The following OR13A1 variants were observed in gnomAD, a reference collection of about 807,000 sequenced individuals.
OR13A1 encodes the protein olfactory receptor family 13 subfamily A member 1.
In OR13A1, 10 loss-of-function variants were observed where a neutral mutation model predicts 7.5. The ratio of observed to expected loss-of-function variants is 1.34; its 90% CI spans 0.83 to 2.27. The LOEUF (loss-of-function observed/expected upper bound fraction) is 2.27. Among genes scored for constraint, OR13A1 ranks in the 30% most tolerant of loss-of-function variants. The probability of loss-of-function intolerance (pLI) is 0.00; values close to 1 mark genes in which losing one functional copy is unlikely to be tolerated. For synonymous variants in OR13A1, 238 were observed against 177.9 expected (o/e 1.34, Z -2.69); for missense variants, 509 against 419.1 (o/e 1.21, Z -1.87).
rs1401305723 is a variant in OR13A1, at chr10:45,304,531, TATTG to T, written c.-12-101_-12-98del. 5.5e-5 allele frequency: 58 copies of T among 1,054,586 alleles called. 1 individual carries two copies. In the Middle Eastern group the frequency reaches 9.5e-4, roughly 17 times the overall value. The allele number at this position is 1,054,586 out of a possible 1,614,324, so 65.3% of individuals were successfully genotyped here. A position where few individuals can be genotyped will look rare whatever the true frequency, so the allele number is the denominator to read the frequency against. ...TGAAAGATAGAGATGCATTAGGGCATATTGATTAAGATAAACACCCCAATATTAC... is the reference window on the plus strand; with the variant it reads ...TGAAAGATAGAGATGCATTAGGGCATATTAAGATAAACACCCCAATATTAC... On this transcript the variant is annotated intron_variant, in intron 3 of 3. Transcript: ENST00000553795.
chr10:45,307,087 A>G (rs934978130), intron 3 of OR13A1, among the ~76,000 whole-genome samples: 1 of 152,054 alleles, frequency 6.6e-6, no homozygotes, highest in Non-Finnish European at 1.5e-5. Flanking sequence ...TAGCCACCAG[A>G]TTTCTCCAGC....
intron 3 of OR13A1, among the ~76,000 whole-genome samples, chr10:45,305,508 T>A (rs1277921486): frequency 6.6e-6 from 1 of 152,238 alleles, no homozygotes; most frequent in Non-Finnish European, 1.5e-5. Context: ...ACTTTTTCTA[T>A]AAAATGACCT....
intron 1 of OR13A1, among the ~76,000 whole-genome samples, chr10:45,309,708 G>T (rs138583976): frequency 6.6e-6 from 1 of 152,246 alleles, no homozygotes; most frequent in Non-Finnish European, 1.5e-5. Flanking sequence ...CCCAATTCAG[G>T]ATGTACGTAG....
intron 3 of OR13A1, among the ~76,000 whole-genome samples, chr10:45,305,301 A>T (rs1001476198): frequency 6.6e-6 from 1 of 151,976 alleles, no homozygotes; most frequent in Admixed American, 6.6e-5. Context: ...GTACAATAGG[A>T]TCTCATTTTT....
chr10:45,314,306 G>T (rs898356086), intron 1 of OR13A1, among the ~76,000 whole-genome samples: 1 of 151,976 alleles, frequency 6.6e-6, no homozygotes, highest in Admixed American at 6.6e-5. Flanking sequence ...ATTATAAAAG[G>T]AAGAAAGTGG....
chr10:45,306,321 C>T (rs1426161638), intron 3 of OR13A1, among the ~76,000 whole-genome samples: 9 of 151,922 alleles, frequency 5.9e-5, no homozygotes, highest in African/African-American at 1.5e-4. Context: ...GGCGTGGTGG[C>T]GGGCGCCTGT....
chr10:45,305,294 C>A (rs1455283868), intron 3 of OR13A1, among the ~76,000 whole-genome samples: 5 of 150,944 alleles, frequency 3.3e-5, no homozygotes, highest in Non-Finnish European at 5.9e-5. Flanking sequence ...ATAATGTGTA[C>A]AATAGGATCT....
At chr10:45,308,722 G>A (rs987037328) in intron 1 of OR13A1, 10 of 152,084 alleles carry the variant, frequency 6.6e-5, no homozygotes, top group Admixed American at 4.6e-4. Flanking sequence ...TAAAAAAAAT[G>A]ATTTCACCTT....
In OR13A1 at chr10:45,304,087, G is replaced by A. The variant is rs773995966; in HGVS notation, c.336C>T (p.Tyr112=). The A allele has an allele frequency of 1.1e-5, 18 of 1,613,984 alleles. No homozygotes were observed. The highest frequency in any genetic ancestry group is 2.2e-5 in the South Asian group (2 of 91,052). The change falls in exon 4 of 4, where the codon TAC becomes TAT. Residue 112 remains tyrosine (Y), a synonymous_variant. Transcript: ENST00000553795. ...SLVSEESSIS[Y]GGCMAQLYFL... The stretch of plus-strand genomic sequence containing the variant: ...AATAGAGCTGGGCCATGCAGCCCCC[G>A]TAGGAGATGGAGCTCTCTTCCGACA...
Position 45,302,831 on chromosome 10 carries a change from T to C in OR13A1, c.*605A>G. On this transcript the variant is annotated 3_prime_UTR_variant, in exon 4 of 4. Coordinates refer to ENST00000553795, the MANE Select transcript of OR13A1 (RefSeq NM_001004297.3). Reference sequence around the variant, plus strand: ...CAGGCCAATTAGGTAGGTCAGATACTCAGAATCTGAAGTGTTAGTAAGAAG... The same window carrying C: ...CAGGCCAATTAGGTAGGTCAGATACCCAGAATCTGAAGTGTTAGTAAGAAG... The C allele has an allele frequency of 6.6e-6, 1 of 152,436 alleles. No individual in the cohort carries two copies. The highest frequency in any genetic ancestry group is 1.5e-5 in the Non-Finnish European group (1 of 68,122). The allele number at this position is 152,436 out of a possible 1,614,324, so 9.4% of individuals were successfully genotyped here. A position where few individuals can be genotyped will look rare whatever the true frequency, so the allele number is the denominator to read the frequency against.
At chr10:45,315,444 C>G (rs74707881) in intron 1 of OR13A1, 80 bp downstream of exon 1, 3 of 151,850 alleles carry the variant, frequency 2.0e-5, no homozygotes, top group Non-Finnish European at 2.9e-5. Flanking sequence ...CCTTTTATCA[C>G]GAAAACACTC....
intron 3 of OR13A1, among the ~76,000 whole-genome samples, chr10:45,304,749 C>T (rs752635795): frequency 2.6e-5 from 4 of 152,034 alleles, no homozygotes; most frequent in Non-Finnish European, 5.9e-5. Flanking sequence ...AAGATGCAGG[C>T]CTTTTAAAAT....
In OR13A1 at chr10:45,302,657, A is replaced by G. The variant is rs1798772628; in HGVS notation, c.*779T>C. The G allele has an allele frequency of 6.6e-6, 1 of 152,202 alleles. No homozygotes were observed. The highest frequency in any genetic ancestry group is 2.1e-4 in the South Asian group (1 of 4,832). The allele number at this position is 152,202 out of a possible 1,614,324, so 9.4% of individuals were successfully genotyped here. On this transcript the variant is annotated 3_prime_UTR_variant, in exon 4 of 4. Coordinates refer to ENST00000553795, the MANE Select transcript of OR13A1 (RefSeq NM_001004297.3). ...ATGGATTTTCCAGTGCAGTTTTGTA[A>G]TAGCATGGAGCACAAGCACAAGACC...
chr10:45,312,920 T>A lies in OR13A1; in HGVS notation c.-225+2604A>T, dbSNP rs372158749. On this transcript the variant is annotated intron_variant, in intron 1 of 3. Transcript: ENST00000553795. Reference sequence around the variant, plus strand: ...GGACCTGCTGTAGTATCTTGCAAGTTGAAACAAAAGGATGCTAAATAGTAA... The same window carrying A: ...GGACCTGCTGTAGTATCTTGCAAGTAGAAACAAAAGGATGCTAAATAGTAA... Among the ~76,000 whole-genome samples, 3 of 152,112 alleles carry A rather than the reference T, an allele frequency of 2.0e-5. 1 individual carries two copies. The highest frequency in any genetic ancestry group is 7.2e-5 in the African/African-American group (3 of 41,520).
intron 1 of OR13A1, among the ~76,000 whole-genome samples, chr10:45,312,305 A>G (rs932948642): frequency 2.0e-5 from 3 of 152,090 alleles, no homozygotes; most frequent in Admixed American, 1.3e-4. Flanking sequence ...ACCAAGCCAC[A>G]TGATCAAAAT....
chr10:45,312,358 G>C (rs923857954), intron 1 of OR13A1, among the ~76,000 whole-genome samples: 1 of 151,714 alleles, frequency 6.6e-6, no homozygotes, highest in Non-Finnish European at 1.5e-5. Flanking sequence ...GAGTAAAAAG[G>C]CACATTAAGT....
intron 3 of OR13A1, among the ~76,000 whole-genome samples, chr10:45,304,809 G>A (rs1838293041): frequency 6.6e-6 from 1 of 152,034 alleles, no homozygotes; most frequent in Non-Finnish European, 1.5e-5. Context: ...GTATCCTAAG[G>A]AATAATAAAA....
chr10:45,303,510 G>A lies in OR13A1; in HGVS notation c.913C>T (p.Pro305Ser). The change falls in exon 4 of 4, where the codon CCC becomes TCC. Residue 305 changes from proline (P) to serine (S), a missense_variant. Physicochemically the swap from Pro to Ser is moderately conservative, Grantham distance 74. Transcript: ENST00000553795. The part of the protein sequence containing the change: ...LYTVLSPTLN[P>S]LIYTLRNKEV... ...TTGTTTCTCAAAGTATAGATGAGGG[G>A]GTTGAGGGTAGGACTCAGCACAGTG... 6.2e-7 allele frequency: 1 copy of A among 1,614,108 alleles called. No homozygotes were observed. The highest frequency in any genetic ancestry group is 8.5e-7 in the Non-Finnish European group (1 of 1,180,014).
Position 45,303,171 on chromosome 10 carries a change from C to G in OR13A1, c.*265G>C. ...AAACACAAGGAACACTTTTCTCCTC[C>G]TAGGCCCTGTGTTTCTCTGCCAACT... On this transcript the variant is annotated 3_prime_UTR_variant, in exon 4 of 4. Coordinates refer to ENST00000553795, the MANE Select transcript of OR13A1 (RefSeq NM_001004297.3). 2.2e-6 allele frequency: 1 copy of G among 446,170 alleles called. No homozygotes were observed. The highest frequency in any genetic ancestry group is 4.8e-5 in the South Asian group (1 of 20,808). The allele number at this position is 446,170 out of a possible 1,614,324, so 27.6% of individuals were successfully genotyped here. A position where few individuals can be genotyped will look rare whatever the true frequency, so the allele number is the denominator to read the frequency against.
Sources: gnomAD v4.1 joint callset for allele counts (sites outside exome capture counted in the v4.1 genomes callset) on GRCh38, gnomAD v4.1.1 for gene constraint, MANE v1.5 for transcripts, NCBI Gene and HGNC (gene_info 2026-07-23, HGNC 2026-07-21) for gene names.